Variants in COL4A2 observed in about 807,000 individuals in gnomAD.
The protein encoded by COL4A2 is collagen alpha-2(IV) chain.
A neutral mutation model predicts 200.2 loss-of-function variants in COL4A2; 99 were observed. That is an observed-to-expected ratio of 0.49 (90% CI 0.42 to 0.58). The LOEUF is 0.58. Among genes scored for constraint, COL4A2 ranks in the 20% least tolerant of loss-of-function variants. The probability of loss-of-function intolerance (pLI) is 0.00; values close to 1 mark genes in which losing one functional copy is unlikely to be tolerated. For missense variants in COL4A2, 1,950 were observed against 2,314.1 expected (o/e 0.84, Z 3.23); for synonymous variants, 897 against 900.6 (o/e 1.00, Z 0.07).
intron 28 of COL4A2, among the ~76,000 whole-genome samples, chr13:110,471,163 C>T (rs1181674307): frequency 6.6e-6 from 1 of 152,242 alleles, no homozygotes; most frequent in Non-Finnish European, 1.5e-5. Context: ...CAGCTTCTTG[C>T]TGTGAGTATG....
chr13:110,359,156 T>C (rs1251392499), intron 4 of COL4A2, among the ~76,000 whole-genome samples: 3 of 152,184 alleles, frequency 2.0e-5, no homozygotes, highest in South Asian at 2.1e-4. Flanking sequence ...GTCCGTCTGA[T>C]AGATAAGTAA....
At chr13:110,497,570 C>CAGGGCTGAGGATTT (rs1883499526) in intron 40 of COL4A2, among the ~76,000 whole-genome samples, 1 of 147,066 alleles carries the variant, frequency 6.8e-6, no homozygotes, top group African/African-American at 2.5e-5. Flanking sequence ...AACCTCCACT[C>CAGGGCTGAGGATTT]AGGGCTGAGG....
intron 26 of COL4A2, 117 bp from the exon 27 acceptor site, chr13:110,466,923 A>G: frequency 7.8e-7 from 1 of 1,280,028 alleles, no homozygotes. Flanking sequence ...AGTTACTCTG[A>G]TCCCAGAATG....
chr13:110,399,001 GCTTTTTTTATTGGCAGGAAAA>G (rs1879279776), intron 4 of COL4A2, among the ~76,000 whole-genome samples: 1 of 152,118 alleles, frequency 6.6e-6, no homozygotes, highest in Admixed American at 6.5e-5. Flanking sequence ...GTTGTAAGAA[GCTTTTTTTATTGGCAGGAAAA>G]CTGGGAGAAT....
At chr13:110,482,150 C>T (rs1458655019) in intron 31 of COL4A2, among the ~76,000 whole-genome samples, 1 of 152,232 alleles carries the variant, frequency 6.6e-6, no homozygotes, top group Non-Finnish European at 1.5e-5. Flanking sequence ...CATCTCCATG[C>T]CAGGTGCAGT....
intron 4 of COL4A2, among the ~76,000 whole-genome samples, chr13:110,410,345 G>T (rs1230456957): frequency 6.6e-6 from 1 of 152,210 alleles, no homozygotes; most frequent in Non-Finnish European, 1.5e-5. Flanking sequence ...TCAAATGTAT[G>T]TTTAGATACC....
At chr13:110,500,887 C>T (rs946690533) in intron 40 of COL4A2, among the ~76,000 whole-genome samples, 1 of 152,194 alleles carries the variant, frequency 6.6e-6, no homozygotes, top group Admixed American at 6.5e-5. Flanking sequence ...CACTTACCAA[C>T]AGTAGGATGC....
At chr13:110,374,275 A>G (rs1878143144) in intron 4 of COL4A2, among the ~76,000 whole-genome samples, 1 of 152,156 alleles carries the variant, frequency 6.6e-6, no homozygotes, top group Non-Finnish European at 1.5e-5. Flanking sequence ...AAGAACAATG[A>G]TGTGAGCTGC....
intron 3 of COL4A2, among the ~76,000 whole-genome samples, chr13:110,356,670 C>G (rs1045249064): frequency 6.6e-6 from 1 of 152,222 alleles, no homozygotes; most frequent in African/African-American, 2.4e-5. Context: ...CAGGCCTGCT[C>G]CTTCCTGATT....
intron 3 of COL4A2, among the ~76,000 whole-genome samples, chr13:110,317,195 CAT>C (rs914731156): frequency 2.7e-5 from 4 of 150,180 alleles, no homozygotes; most frequent in Non-Finnish European, 4.4e-5. Context: ...GAGATGCACA[CAT>C]AGACACACAC....
intron 29 of COL4A2, among the ~76,000 whole-genome samples, chr13:110,474,690 C>T (rs1031898816): frequency 2.1e-5 from 3 of 141,806 alleles, no homozygotes; most frequent in Non-Finnish European, 4.7e-5. Context: ...CACGTACCCA[C>T]ACACGTGCCT....
rs1203070183 is a variant in COL4A2 at position 110,357,517 on chromosome 13, G to A, written c.145G>A (p.Gly49Arg). 6.3e-7 allele frequency: 1 copy of A among 1,593,700 alleles called. No individual in the cohort carries two copies. The highest frequency in any genetic ancestry group is 2.3e-5 in the East Asian group (1 of 44,110). Reference protein sequence around the residue: ...DVPCGGRDCSGGCQCYPEKGG... With the variant: ...DVPCGGRDCSRGCQCYPEKGG... ...GCCGTGTGGAGGAAGAGATTGCAGT[G>A]GGGGCTGCCAGTGCTACCCTGAGAA... Residue 49 changes from glycine (G) to arginine (R), a missense_variant, in exon 4 of 48, where the codon GGG (glycine) becomes AGG (arginine). Coordinates refer to ENST00000360467, the MANE Select transcript of COL4A2 (RefSeq NM_001846.4).
chr13:110,461,339 C>G (rs2139497586), intron 22 of COL4A2, among the ~76,000 whole-genome samples: 1 of 152,322 alleles, frequency 6.6e-6, no homozygotes, highest in East Asian at 1.9e-4. Context: ...TCAAAAGGCA[C>G]CGAGCCCGTG....
At position 110,409,116 on chromosome 13, in the gene COL4A2, CAT is replaced by C. The variant is rs745660223; in HGVS notation, c.181-15614_181-15613del. ...CACACGGACACATACACATAACACACATATACACATGCACATGCACACACGCA... is the reference window on the plus strand; with the variant it reads ...CACACGGACACATACACATAACACACATACACATGCACATGCACACACGCA... On this transcript the variant is annotated intron_variant, in intron 4 of 47. Transcript: ENST00000360467. 2.2e-4 allele frequency among the ~76,000 whole-genome samples: 13 copies of C among 59,562 alleles called. 1 individual carries two copies. Among genetic ancestry groups the C allele is most frequent in the South Asian group, 7.6e-4 (1 of 1,324 alleles). The allele number at this position is 59,562 out of a possible 152,430, so 39.1% of individuals were successfully genotyped here. A position where few individuals can be genotyped will look rare whatever the true frequency, so the allele number is the denominator to read the frequency against.
chr13:110,506,361 T>C, intron 45 of COL4A2, 54 bp from the exon 46 acceptor site: 1 of 1,545,860 alleles, frequency 6.5e-7, no homozygotes, highest in Non-Finnish European at 8.8e-7. Flanking sequence ...TCTCTCTCTT[T>C]CTCGGGCTGC....
chr13:110,380,888 G>GT (rs1878451477), intron 4 of COL4A2, among the ~76,000 whole-genome samples: 2 of 148,190 alleles, frequency 1.3e-5, no homozygotes, highest in African/African-American at 5.0e-5. Context: ...ACACCCACGA[G>GT]CTCTATGTCA....
chr13:110,461,287 G>A (rs1483693244), intron 22 of COL4A2, among the ~76,000 whole-genome samples: 1 of 152,204 alleles, frequency 6.6e-6, no homozygotes, highest in East Asian at 1.9e-4. Flanking sequence ...CTAAACGACT[G>A]TGTTTTAGAG....
At chr13:110,431,894 A>G (rs1401508539) in intron 10 of COL4A2, among the ~76,000 whole-genome samples, 1 of 152,248 alleles carries the variant, frequency 6.6e-6, no homozygotes. Context: ...TCCGCTCTGC[A>G]GTGCCAGCTT....
At chr13:110,506,289 G>T in intron 45 of COL4A2, 126 bp from the exon 46 acceptor site, 1 of 901,352 alleles carries the variant, frequency 1.1e-6, no homozygotes, top group Non-Finnish European at 1.6e-6. Flanking sequence ...TCGGGCTGCA[G>T]GTGCACCAGG....
Sources: gnomAD v4.1 joint callset for allele counts (sites outside exome capture counted in the v4.1 genomes callset) on GRCh38, gnomAD v4.1.1 for gene constraint, MANE v1.5 for transcripts, NCBI Gene and HGNC (gene_info 2026-07-23, HGNC 2026-07-21) for gene names.